The following RASGRP3 variants were observed in gnomAD, a reference collection of about 807,000 sequenced individuals.
RASGRP3 encodes the protein ras guanyl-releasing protein 3.
Under a neutral mutation model 82.7 loss-of-function variants are expected in RASGRP3, and 54 were observed. The observed-to-expected ratio is 0.65, with a 90% confidence interval of 0.52 to 0.82. RASGRP3 has a LOEUF of 0.82. RASGRP3 is among the 40% of genes least tolerant of loss of function. RASGRP3 has a pLI of 0.00. For missense variants in RASGRP3, 861 were observed against 828.9 expected (o/e 1.04, Z -0.48); for synonymous variants, 309 against 300.5 (o/e 1.03, Z -0.29).
intron 2 of RASGRP3, among the ~76,000 whole-genome samples, chr2:33,458,736 T>C (rs1343565570): frequency 6.6e-6 from 1 of 152,180 alleles, no homozygotes; most frequent in Non-Finnish European, 1.5e-5. Flanking sequence ...CCAGCACCAT[T>C]GCATGCTGTG....
In RASGRP3 at chr2:33,559,598, T is replaced by G. The variant is rs966212829; in HGVS notation, c.2064+568T>G. 4 of 518,624 alleles carry G rather than the reference T, an allele frequency of 7.7e-6. No individual in the cohort carries two copies. In the East Asian group the frequency reaches 2.2e-4, roughly 28 times the overall value. The allele number at this position is 518,624 out of a possible 1,614,324, so 32.1% of individuals were successfully genotyped here. A position where few individuals can be genotyped will look rare whatever the true frequency, so the allele number is the denominator to read the frequency against. ...CAAAGTAGGATGCAGATGGAATTTG[T>G]TAGAGTATGCTGACACAGAAATTGA... On this transcript the variant is annotated intron_variant, in intron 17 of 17. Coordinates refer to ENST00000403687, the MANE Select transcript of RASGRP3 (RefSeq NM_001139488.2).
chr2:33,451,664 C>T (rs1417867733), intron 2 of RASGRP3, among the ~76,000 whole-genome samples: 1 of 151,808 alleles, frequency 6.6e-6, no homozygotes, highest in African/African-American at 2.4e-5. Flanking sequence ...TTTTCTTTGT[C>T]TTTTGAGAAT....
At chr2:33,555,808 A>C (rs540320685) in intron 15 of RASGRP3, among the ~76,000 whole-genome samples, 2 of 152,334 alleles carry the variant, frequency 1.3e-5, no homozygotes, top group African/African-American at 4.8e-5. Flanking sequence ...GTTCTTTGGA[A>C]TCAGCAGCAT....
chr2:33,508,147 T>C (rs1670572554), intron 1 of RASGRP3, among the ~76,000 whole-genome samples: 1 of 151,810 alleles, frequency 6.6e-6, no homozygotes, highest in African/African-American at 2.4e-5. Context: ...AAATTGAGAG[T>C]GGAGGGGAGG....
chr2:33,562,929 C>CTAT lies in RASGRP3; in HGVS notation c.*194_*196dup. ...TTGACCCTAACTAACTAACTATGAA[C>CTAT]TATTTATTTCCTCCTCCCCTACCCC... On this transcript the variant is annotated 3_prime_UTR_variant, in exon 18 of 18. Coordinates refer to ENST00000403687, the MANE Select transcript of RASGRP3 (RefSeq NM_001139488.2). 1.5e-6 allele frequency: 1 copy of CTAT among 689,444 alleles called. No homozygotes were observed. Among genetic ancestry groups the CTAT allele is most frequent in the Admixed American group, 2.9e-5 (1 of 34,386 alleles). 42.7% of individuals were successfully genotyped at this position (689,444 alleles called of 1,614,324 possible).
In RASGRP3 at chr2:33,563,606, AAAAC is replaced by A. The variant is rs1233406319; in HGVS notation, c.*874_*877del. The A allele has an allele frequency of 6.6e-6, 1 of 152,178 alleles. No individual in the cohort carries two copies. Among genetic ancestry groups the A allele is most frequent in the Non-Finnish European group, 1.5e-5 (1 of 68,016 alleles). 9.4% of individuals were successfully genotyped at this position (152,178 alleles called of 1,614,324 possible). ...GTTTTGACGGTTAACATTTAGCAGA[AAAAC>A]AAACCATTGAATAAGCTACTAGGTG... On this transcript the variant is annotated 3_prime_UTR_variant, in exon 18 of 18. Coordinates refer to ENST00000403687, the MANE Select transcript of RASGRP3 (RefSeq NM_001139488.2).
At chr2:33,462,663 C>A (rs1299682110) in intron 2 of RASGRP3, among the ~76,000 whole-genome samples, 1 of 152,198 alleles carries the variant, frequency 6.6e-6, no homozygotes, top group African/African-American at 2.4e-5. Flanking sequence ...CAGGCGTGAG[C>A]CACTGCGCCG....
At chr2:33,450,820 TTC>T (rs1346561396) in intron 2 of RASGRP3, among the ~76,000 whole-genome samples, 15 of 79,784 alleles carry the variant, frequency 1.9e-4, no homozygotes, top group South Asian at 3.6e-4. Flanking sequence ...CTTTCTTTCT[TTC>T]TTTTTTTTTT....
intron 1 of RASGRP3, among the ~76,000 whole-genome samples, chr2:33,488,470 C>T (rs1327735182): frequency 6.6e-6 from 1 of 152,088 alleles, no homozygotes. Context: ...GCTCAAGGCT[C>T]AATGGGACCA....
chr2:33,495,120 A>G (rs1184158393), intron 1 of RASGRP3, among the ~76,000 whole-genome samples: 1 of 152,202 alleles, frequency 6.6e-6, no homozygotes, highest in Admixed American at 6.5e-5. Context: ...GATCCTCCTT[A>G]GCTTTTGCAT....
chr2:33,527,824 G>A (rs1672730999), intron 10 of RASGRP3, among the ~76,000 whole-genome samples: 1 of 152,104 alleles, frequency 6.6e-6, no homozygotes. Flanking sequence ...GACCTTATCT[G>A]TGATCCCCCT....
At chr2:33,488,412 T>C (rs1349553057) in intron 1 of RASGRP3, among the ~76,000 whole-genome samples, 1 of 152,214 alleles carries the variant, frequency 6.6e-6, no homozygotes. Flanking sequence ...CAGAAGATGC[T>C]TTATTAGTAA....
intron 3 of RASGRP3, among the ~76,000 whole-genome samples, chr2:33,515,446 A>T (rs1344221862): frequency 2.0e-5 from 3 of 152,070 alleles, no homozygotes; most frequent in Admixed American, 1.3e-4. Flanking sequence ...CATTCTCTGC[A>T]CCTTTCTACC....
chr2:33,549,642 T>A lies in RASGRP3; in HGVS notation c.1433T>A (p.Phe478Tyr), dbSNP rs1482435483. The A allele has an allele frequency of 6.2e-7, 1 of 1,613,596 alleles. No homozygotes were observed. Among genetic ancestry groups the A allele is most frequent in the Non-Finnish European group, 8.5e-7 (1 of 1,179,626 alleles). Reference protein sequence around the residue: ...LISKDEMMAYFLRAKSQLHCK... With the variant: ...LISKDEMMAYYLRAKSQLHCK... ...AGTAAAGATGAAATGATGGCTTACT[T>A]CCTGAGAGCTAAATCCCAACTACAC... The change falls in exon 14 of 18, where the codon TTC becomes TAC. Residue 478 changes from phenylalanine to tyrosine, a missense_variant. By Grantham distance (22) the Phe-to-Tyr change is conservative. Coordinates refer to ENST00000403687, the MANE Select transcript of RASGRP3 (RefSeq NM_001139488.2).
intron 1 of RASGRP3, among the ~76,000 whole-genome samples, chr2:33,436,956 T>C (rs1164815289): frequency 6.6e-6 from 1 of 152,186 alleles, no homozygotes; most frequent in African/African-American, 2.4e-5. Context: ...CCACCTATAA[T>C]TTATTTGATG....
intron 1 of RASGRP3, among the ~76,000 whole-genome samples, chr2:33,439,073 C>G (rs545178531): frequency 6.6e-6 from 1 of 152,324 alleles, no homozygotes; most frequent in South Asian, 2.1e-4. Context: ...TTACAGGCAC[C>G]TTAAATTCAG....
chr2:33,480,931 G>C (rs72865973), intron 1 of RASGRP3, among the ~76,000 whole-genome samples: 3,367 of 152,128 alleles, frequency 0.022, 138 homozygotes, highest in African/African-American at 0.077. Context: ...TTGAGAAGTC[G>C]AACCCCTGCA....
intron 1 of RASGRP3, among the ~76,000 whole-genome samples, chr2:33,485,165 T>C (rs1668265981): frequency 6.6e-6 from 1 of 152,194 alleles, no homozygotes; most frequent in Non-Finnish European, 1.5e-5. Context: ...GCCATTGCAC[T>C]CCAGCCTGGG....
At chr2:33,540,556 TTGTG>T (rs377215232) in intron 12 of RASGRP3, among the ~76,000 whole-genome samples, 1,695 of 38,428 alleles carry the variant, frequency 0.044, 75 homozygotes, top group African/African-American at 0.055. Flanking sequence ...TGTGTGTGTT[TTGTG>T]TGTGTGTGTG....
Sources: allele counts gnomAD v4.1 joint callset (sites outside exome capture counted in the v4.1 genomes callset), GRCh38; gene constraint gnomAD v4.1.1; transcripts MANE v1.5; gene names NCBI Gene and HGNC (gene_info 2026-07-23, HGNC 2026-07-21).